Variants in FOXP1 observed in about 807,000 individuals in gnomAD.
FOXP1 encodes forkhead box P1.
A neutral mutation model predicts 98.2 loss-of-function variants in FOXP1; 15 were observed. The ratio of observed to expected loss-of-function variants is 0.15; its 90% CI spans 0.10 to 0.24. The LOEUF is 0.24. Ranked by LOEUF, FOXP1 falls within the 10% of genes least tolerant of loss-of-function variation. The pLI is 1.00. For missense variants in FOXP1, 633 were observed against 848.5 expected, an observed-to-expected ratio of 0.75 and a Z score of 3.15; for synonymous variants, 371 against 314.5, an observed-to-expected ratio of 1.18 and a Z score of -1.90.
chr3:71,097,974 G>GT (rs2056619273), intron 7 of FOXP1, among the ~76,000 whole-genome samples: 1 of 152,200 alleles, frequency 6.6e-6, no homozygotes, highest in Non-Finnish European at 1.5e-5. Flanking sequence ...AATCCAGGAT[G>GT]TAGATTTTCC....
chr3:71,222,011 G>A (rs1463828873), intron 5 of FOXP1, among the ~76,000 whole-genome samples: 2 of 152,144 alleles, frequency 1.3e-5, no homozygotes, highest in East Asian at 1.9e-4. Flanking sequence ...AAATTACCTG[G>A]GCATGGTGGC....
At chr3:71,273,463 T>C (rs1026511739) in intron 5 of FOXP1, among the ~76,000 whole-genome samples, 1 of 152,202 alleles carries the variant, frequency 6.6e-6, no homozygotes, top group African/African-American at 2.4e-5. Flanking sequence ...TCTAATCCCC[T>C]TGCCTTGGCA....
At chr3:71,130,558 C>G (rs2059506441) in intron 6 of FOXP1, 1 of 1,598,282 alleles carries the variant, frequency 6.3e-7, no homozygotes, top group African/African-American at 1.3e-5. Context: ...TTTCCGTCTT[C>G]TTGCTGTAGA....
chr3:71,132,659 G>A (rs576217957), intron 6 of FOXP1, among the ~76,000 whole-genome samples: 16 of 152,232 alleles, frequency 1.1e-4, no homozygotes, highest in East Asian at 5.8e-4. Flanking sequence ...TTTGCAGCAC[G>A]CTTGGATTTT....
intron 2 of FOXP1, among the ~76,000 whole-genome samples, chr3:71,531,847 C>T (rs935526865): frequency 6.6e-6 from 1 of 152,174 alleles, no homozygotes; most frequent in African/African-American, 2.4e-5. Flanking sequence ...TTGTATCTTC[C>T]TACCTTACTA....
chr3:71,058,734 A>G (rs1025437192), intron 7 of FOXP1, among the ~76,000 whole-genome samples: 12 of 152,148 alleles, frequency 7.9e-5, no homozygotes, highest in African/African-American at 2.9e-4. Flanking sequence ...AAGTCAATGG[A>G]TACAACAGAT....
At chr3:71,472,860 G>C (rs1454169948) in intron 3 of FOXP1, among the ~76,000 whole-genome samples, 1 of 152,160 alleles carries the variant, frequency 6.6e-6, no homozygotes, top group East Asian at 1.9e-4. Flanking sequence ...TTTATGGTGT[G>C]CTCCAACCAC....
chr3:71,523,629 T>C (rs1225648895), intron 2 of FOXP1, among the ~76,000 whole-genome samples: 1 of 152,200 alleles, frequency 6.6e-6, no homozygotes, highest in Non-Finnish European at 1.5e-5. Context: ...AAATTCACTG[T>C]TTGCCTCCTT....
chr3:71,300,908 G>A (rs1049694163), intron 4 of FOXP1, among the ~76,000 whole-genome samples: 1 of 152,156 alleles, frequency 6.6e-6, no homozygotes, highest in African/African-American at 2.4e-5. Flanking sequence ...AATGTGGAAA[G>A]GCAAACATCA....
rs190239086 is a variant in FOXP1, at chr3:71,184,595, T to C, written c.180+13607A>G. Among the ~76,000 whole-genome samples, 213 of 152,296 alleles carry C rather than the reference T, an allele frequency of 1.4e-3. 3 individuals carry two copies. The highest frequency in any genetic ancestry group is 6.8e-3 in the Middle Eastern group (2 of 294). On this transcript the variant is annotated intron_variant, in intron 6 of 20. Coordinates refer to ENST00000649528, the MANE Select transcript of FOXP1 (RefSeq NM_001349338.3). ...TACCTGAGAAATTATTCCAGGGACATACTGGGAAGCATTCTTCCAAAAGAG... is the reference window on the plus strand; with the variant it reads ...TACCTGAGAAATTATTCCAGGGACACACTGGGAAGCATTCTTCCAAAAGAG...
At chr3:71,348,912 A>G (rs2077585843) in intron 4 of FOXP1, among the ~76,000 whole-genome samples, 1 of 152,182 alleles carries the variant, frequency 6.6e-6, no homozygotes. Context: ...ATGATGAACC[A>G]TTAGACAAGA....
intron 11 of FOXP1, among the ~76,000 whole-genome samples, chr3:71,021,065 T>C (rs1234057025): frequency 2.0e-5 from 3 of 152,246 alleles, no homozygotes; most frequent in African/African-American, 7.2e-5. Context: ...ATAGTTTACA[T>C]ATCATACAAT....
chr3:71,467,117 T>A (rs1235046375), intron 3 of FOXP1, among the ~76,000 whole-genome samples: 1 of 152,234 alleles, frequency 6.6e-6, no homozygotes, highest in Non-Finnish European at 1.5e-5. Flanking sequence ...TATATGTGTG[T>A]GTACGTGTGT....
chr3:71,170,079 G>A (rs957814614), intron 6 of FOXP1, among the ~76,000 whole-genome samples: 1 of 152,178 alleles, frequency 6.6e-6, no homozygotes, highest in Non-Finnish European at 1.5e-5. Context: ...AATGAGAGGA[G>A]AACTGGTAAT....
chr3:70,982,301 A>G (rs1345021322), intron 14 of FOXP1, among the ~76,000 whole-genome samples: 1 of 152,228 alleles, frequency 6.6e-6, no homozygotes, highest in Non-Finnish European at 1.5e-5. Context: ...ATTAGAAATG[A>G]AAGCATATGT....
chr3:71,519,826 G>C (rs1161441705), intron 2 of FOXP1, among the ~76,000 whole-genome samples: 1 of 152,238 alleles, frequency 6.6e-6, no homozygotes, highest in Non-Finnish European at 1.5e-5. Flanking sequence ...GCTGCACTGG[G>C]ATGTAAGCAA....
At chr3:71,013,960 A>C (rs1264928531) in intron 12 of FOXP1, among the ~76,000 whole-genome samples, 1 of 152,250 alleles carries the variant, frequency 6.6e-6, no homozygotes, top group Non-Finnish European at 1.5e-5. Context: ...GAGAAAGCTG[A>C]AACTGGATCC....
chr3:71,340,975 A>T (rs2076975299), intron 4 of FOXP1, among the ~76,000 whole-genome samples: 1 of 152,170 alleles, frequency 6.6e-6, no homozygotes, highest in Admixed American at 6.5e-5. Flanking sequence ...ATGAAGCAAA[A>T]CTGACAGAGC....
chr3:71,112,884 T>C lies in FOXP1; in HGVS notation c.181-247A>G, dbSNP rs547455730. Among the ~76,000 whole-genome samples the C allele has an allele frequency of 1.4e-4, 22 of 152,270 alleles. No homozygotes were observed. The South Asian group carries it at 1.7e-3, about 11-fold the overall frequency. On this transcript the variant is annotated intron_variant, in intron 6 of 20. Transcript: ENST00000649528. The stretch of plus-strand genomic sequence containing the variant: ...GGCATCTAAGCAGACATTTTATTCC[T>C]ACTAAAGATCTGACATGAAATTTAA...
Sources: allele counts gnomAD v4.1 joint callset (sites outside exome capture counted in the v4.1 genomes callset), GRCh38; gene constraint gnomAD v4.1.1; transcripts MANE v1.5; gene names NCBI Gene and HGNC (gene_info 2026-07-23, HGNC 2026-07-21).